Variants in PDE8A observed in about 807,000 individuals in gnomAD.
PDE8A encodes the protein phosphodiesterase 8A, also known as high affinity cAMP-specific and IBMX-insensitive 3',5'-cyclic phosphodiesterase 8A.
PDE8A carries 59 observed loss-of-function variants against 105.0 expected under a neutral mutation model. The observed-to-expected ratio is 0.56, with a 90% CI of 0.46 to 0.70. PDE8A has a LOEUF of 0.70. PDE8A is among the 30% of genes least tolerant of loss of function. The pLI is 0.00. For missense variants in PDE8A, 1,014 were observed against 1,045.9 expected (o/e 0.97, Z 0.42); for synonymous variants, 355 against 371.9 (o/e 0.95, Z 0.52).
intron 1 of PDE8A, among the ~76,000 whole-genome samples, chr15:85,038,428 T>TGATTA (rs752094326): frequency 5.3e-5 from 8 of 152,220 alleles, no homozygotes; most frequent in Non-Finnish European, 8.8e-5. Flanking sequence ...TTTTCCTTTA[T>TGATTA]GATTAGTGCT....
intron 1 of PDE8A, among the ~76,000 whole-genome samples, chr15:85,041,557 A>G (rs1369268462): frequency 6.6e-6 from 1 of 152,214 alleles, no homozygotes; most frequent in African/African-American, 2.4e-5. Context: ...TATTTGGATT[A>G]TAATTTGAGA....
intron 1 of PDE8A, among the ~76,000 whole-genome samples, chr15:85,052,289 G>GC (rs2080988585): frequency 1.3e-5 from 2 of 152,232 alleles, no homozygotes; most frequent in African/African-American, 4.8e-5. Flanking sequence ...ACATATGTGT[G>GC]CATGTGTCTT....
At chr15:85,108,477 T>C (rs1365917417) in intron 11 of PDE8A, among the ~76,000 whole-genome samples, 1 of 151,692 alleles carries the variant, frequency 6.6e-6, no homozygotes, top group African/African-American at 2.4e-5. Context: ...GGTTTGGGGG[T>C]CAGGATTAGA....
At chr15:85,084,098 G>T (rs1012693581) in intron 6 of PDE8A, among the ~76,000 whole-genome samples, 4 of 150,900 alleles carry the variant, frequency 2.7e-5, no homozygotes, top group Admixed American at 2.0e-4. Flanking sequence ...CTCATTCTTT[G>T]TAGAGTAAGA....
intron 1 of PDE8A, among the ~76,000 whole-genome samples, chr15:85,000,554 T>C (rs999036955): frequency 6.6e-6 from 1 of 152,208 alleles, no homozygotes; most frequent in African/African-American, 2.4e-5. Context: ...GTAGGCTGGC[T>C]GGAGGTGGTC....
intron 1 of PDE8A, among the ~76,000 whole-genome samples, chr15:85,020,264 G>C (rs1181468966): frequency 1.3e-5 from 2 of 152,016 alleles, no homozygotes; most frequent in African/African-American, 4.8e-5. Context: ...CACAGTTGTG[G>C]TTTTGGCGAG....
At chr15:85,107,514 T>C (rs2081964425) in intron 11 of PDE8A, among the ~76,000 whole-genome samples, 1 of 152,110 alleles carries the variant, frequency 6.6e-6, no homozygotes, top group African/African-American at 2.4e-5. Flanking sequence ...ATGTCTGAGC[T>C]TGGACAGGGA....
chr15:85,047,533 G>A (rs970761700), intron 1 of PDE8A, among the ~76,000 whole-genome samples: 3 of 152,044 alleles, frequency 2.0e-5, no homozygotes, highest in Non-Finnish European at 4.4e-5. Context: ...AGCGTTCAGT[G>A]GTAAAAAGGA....
chr15:85,021,351 A>C (rs1172428696), intron 1 of PDE8A, among the ~76,000 whole-genome samples: 2 of 152,080 alleles, frequency 1.3e-5, no homozygotes, highest in Non-Finnish European at 2.9e-5. Context: ...AGACCAGCCT[A>C]GGTGACATAA....
At chr15:85,019,743 C>T (rs2080389632) in intron 1 of PDE8A, among the ~76,000 whole-genome samples, 2 of 152,046 alleles carry the variant, frequency 1.3e-5, no homozygotes, top group Admixed American at 6.5e-5. Flanking sequence ...CCACACCTGG[C>T]TAATTTTTGT....
intron 20 of PDE8A, among the ~76,000 whole-genome samples, chr15:85,134,703 G>C (rs1030895197): frequency 4.6e-5 from 7 of 152,282 alleles, no homozygotes; most frequent in African/African-American, 1.7e-4. Context: ...ACGCACCTCT[G>C]GGCACTGTGC....
At chr15:85,126,781 C>A (rs978080400) in intron 20 of PDE8A, among the ~76,000 whole-genome samples, 1 of 152,116 alleles carries the variant, frequency 6.6e-6, no homozygotes, top group African/African-American at 2.4e-5. Context: ...GCCCAGTGAA[C>A]CTTAGCCCAT....
At chr15:85,018,314 T>TA (rs747724813) in intron 1 of PDE8A, among the ~76,000 whole-genome samples, 18 of 152,238 alleles carry the variant, frequency 1.2e-4, no homozygotes, top group Non-Finnish European at 2.6e-4. Context: ...ATGCCAGATG[T>TA]AAGTCACCAC....
At chr15:85,042,660 CCTT>C (rs1419697372) in intron 1 of PDE8A, among the ~76,000 whole-genome samples, 3 of 152,138 alleles carry the variant, frequency 2.0e-5, no homozygotes, top group Admixed American at 6.5e-5. Context: ...GTCAAGGATG[CCTT>C]CTTTGTTCTA....
intron 1 of PDE8A, 88 bp from the exon 2 acceptor site, chr15:85,064,282 T>C (rs1201541663): frequency 1.6e-5 from 14 of 902,670 alleles, no homozygotes; most frequent in East Asian, 7.4e-5. Flanking sequence ...AATTTTGCTT[T>C]CATTTTTGGC....
intron 20 of PDE8A, among the ~76,000 whole-genome samples, chr15:85,135,393 C>G (rs183270305): frequency 1.3e-5 from 2 of 152,164 alleles, no homozygotes; most frequent in African/African-American, 4.8e-5. Context: ...GGCTCTACCC[C>G]CTCCAGCCCT....
chr15:85,042,956 T>C (rs2141400001), intron 1 of PDE8A, among the ~76,000 whole-genome samples: 1 of 152,334 alleles, frequency 6.6e-6, no homozygotes, highest in East Asian at 1.9e-4. Flanking sequence ...GTGTGGATTG[T>C]CATTCTCATT....
At chr15:84,998,702 T>G (rs1489151672) in intron 1 of PDE8A, among the ~76,000 whole-genome samples, 1 of 152,166 alleles carries the variant, frequency 6.6e-6, no homozygotes, top group Non-Finnish European at 1.5e-5. Flanking sequence ...CTTGTTCCTT[T>G]TTTCTCCCCA....
intron 3 of PDE8A, among the ~76,000 whole-genome samples, chr15:85,067,700 C>T (rs912043567): frequency 1.3e-5 from 2 of 152,012 alleles, no homozygotes; most frequent in Admixed American, 6.6e-5. Flanking sequence ...AATTTTATGA[C>T]ATATTAATTT....
Sources: gnomAD v4.1 joint callset for allele counts (sites outside exome capture counted in the v4.1 genomes callset) on GRCh38, gnomAD v4.1.1 for gene constraint, MANE v1.5 for transcripts, NCBI Gene and HGNC (gene_info 2026-07-23, HGNC 2026-07-21) for gene names.